The following TSPAN11 variants were observed in gnomAD, a reference collection of about 807,000 sequenced individuals.
The protein encoded by TSPAN11 is tetraspanin-11.
In TSPAN11, 29 loss-of-function variants were observed where a neutral mutation model predicts 32.9. The observed-to-expected ratio is 0.88, with a 90% CI of 0.66 to 1.20. The LOEUF is 1.20. Ranked by LOEUF, TSPAN11 falls within the 50% of genes most tolerant of loss-of-function variation. TSPAN11 has a pLI of 0.00. For synonymous variants in TSPAN11, 140 were observed against 141.3 expected (o/e 0.99, Z 0.07); for missense variants, 283 against 329.1 (o/e 0.86, Z 1.08).
At chr12:30,965,663 G>A (rs1354663628) in intron 3 of TSPAN11, among the ~76,000 whole-genome samples, 4 of 152,144 alleles carry the variant, frequency 2.6e-5, no homozygotes, top group Non-Finnish European at 4.4e-5. Context: ...ACTCTGTGCC[G>A]AGCAAGCGCT....
intron 1 of TSPAN11, among the ~76,000 whole-genome samples, chr12:30,931,579 T>G (rs916121546): frequency 1.4e-4 from 22 of 152,252 alleles, no homozygotes; most frequent in Admixed American, 9.8e-4. Context: ...TATACTGTGC[T>G]TTTAGAATTA....
chr12:30,984,552 CTTTTTTTTT>C (rs55772956), intron 7 of TSPAN11, among the ~76,000 whole-genome samples: 7 of 68,574 alleles, frequency 1.0e-4, no homozygotes, highest in African/African-American at 3.4e-4. Context: ...TCGCTTTTTG[CTTTTTTTTT>C]TTTTTTTTTT....
chr12:30,963,138 AGTCCC>A (rs1938646988), intron 2 of TSPAN11, among the ~76,000 whole-genome samples: 1 of 152,216 alleles, frequency 6.6e-6, no homozygotes, highest in Admixed American at 6.5e-5. Context: ...CTCCTCCTGC[AGTCCC>A]AGGCGGCTCC....
chr12:30,937,155 T>C lies in TSPAN11; in HGVS notation c.-12+10359T>C, dbSNP rs1252166059. On this transcript the variant is annotated intron_variant, in intron 1 of 7. Coordinates refer to ENST00000546076, the MANE Select transcript of TSPAN11 (RefSeq NM_001370302.1). ...AAAAGCCACCTTTGGCTCTGGCAAT[T>C]GGAAGTGACTTTGGGTTAAGTGGGC... is the stretch of plus-strand genomic sequence containing the variant. Among the ~76,000 whole-genome samples the C allele has an allele frequency of 2.6e-5, 4 of 152,116 alleles. No individual in the cohort carries two copies. In the East Asian group the frequency reaches 7.7e-4, roughly 29 times the overall value.
chr12:30,929,977 G>GA (rs1438316534), intron 1 of TSPAN11, among the ~76,000 whole-genome samples: 1 of 152,222 alleles, frequency 6.6e-6, no homozygotes, highest in Non-Finnish European at 1.5e-5. Flanking sequence ...CATGATAGAG[G>GA]AGGTGGTGGT....
chr12:30,963,384 C>T (rs1385834145), intron 2 of TSPAN11, among the ~76,000 whole-genome samples: 2 of 152,204 alleles, frequency 1.3e-5, no homozygotes, highest in East Asian at 1.9e-4. Context: ...AAACAAGGGG[C>T]GGTGCTCGAA....
At chr12:30,974,810 G>T (rs899750017) in intron 3 of TSPAN11, among the ~76,000 whole-genome samples, 3 of 152,226 alleles carry the variant, frequency 2.0e-5, no homozygotes. Context: ...CTGAGGAACC[G>T]CACGGCAGGC....
Position 30,982,778 on chromosome 12 carries a change from G to A in TSPAN11, c.615+88G>A, listed in dbSNP as rs139269093. ...CAGAAAGGCTGGGTCAGGCAGGTGG[G>A]TGTGGGAAAAGCAGGACACATGTGC... On this transcript the variant is annotated intron_variant, in intron 6 of 7. Transcript: ENST00000546076. The A allele has an allele frequency of 3.9e-4, 580 of 1,478,998 alleles. 5 individuals carry two copies. In the African/African-American group the frequency reaches 7.5e-3, roughly 19 times the overall value. 91.6% of individuals were successfully genotyped at this position (1,478,998 alleles called of 1,614,324 possible).
the TSPAN11 span, among the ~76,000 whole-genome samples, chr12:31,001,913 G>A: frequency 5.9e-5 from 9 of 152,274 alleles, no homozygotes; most frequent in South Asian, 4.1e-4. Flanking sequence ...GAGAGAGGCC[G>A]ATGTTTTCCA....
At chr12:30,964,825 C>T (rs769957886) in intron 3 of TSPAN11, among the ~76,000 whole-genome samples, 15 of 152,232 alleles carry the variant, frequency 9.9e-5, no homozygotes, top group Non-Finnish European at 1.5e-4. Context: ...GTTGTGTTTA[C>T]ATTTGAGTTA....
At chr12:31,001,838 C>G in the TSPAN11 span, among the ~76,000 whole-genome samples, 2 of 152,146 alleles carry the variant, frequency 1.3e-5, no homozygotes, top group Admixed American at 1.3e-4. Context: ...AGATGACCCT[C>G]TCATATACAG....
Position 30,992,190 on chromosome 12 carries a change from G to A in TSPAN11, c.*275G>A. 3.8e-6 allele frequency: 2 copies of A among 532,308 alleles called. No individual in the cohort carries two copies. Among genetic ancestry groups the A allele is most frequent in the Middle Eastern group, 5.1e-4 (1 of 1,966 alleles). The allele number at this position is 532,308 out of a possible 1,614,324, so 33.0% of individuals were successfully genotyped here. On this transcript the variant is annotated 3_prime_UTR_variant, in exon 8 of 8. Transcript: ENST00000546076. ...AGGAGACAACCAGAGCCCCTCACCAGGAACGGGGGCACCCGTGGACTACGG... is the reference window on the plus strand; with the variant it reads ...AGGAGACAACCAGAGCCCCTCACCAAGAACGGGGGCACCCGTGGACTACGG...
intron 3 of TSPAN11, among the ~76,000 whole-genome samples, chr12:30,964,348 C>A (rs1938683791): frequency 6.6e-6 from 1 of 151,692 alleles, no homozygotes; most frequent in South Asian, 2.1e-4. Flanking sequence ...TTCTCCTATT[C>A]TGTACCCTTC....
intron 7 of TSPAN11, among the ~76,000 whole-genome samples, chr12:30,990,127 G>A (rs978214322): frequency 2.7e-5 from 4 of 148,866 alleles, no homozygotes; most frequent in Non-Finnish European, 4.4e-5. Context: ...ATGCTTCAGC[G>A]TGGTGTTCAC....
intron 2 of TSPAN11, among the ~76,000 whole-genome samples, chr12:30,963,600 G>A (rs1340352454): frequency 1.3e-5 from 2 of 152,208 alleles, no homozygotes; most frequent in Non-Finnish European, 2.9e-5. Context: ...GTCGGACCTG[G>A]ATTCAAAACC....
At chr12:30,989,521 A>G (rs1481372630) in intron 7 of TSPAN11, among the ~76,000 whole-genome samples, 7 of 152,178 alleles carry the variant, frequency 4.6e-5, no homozygotes, top group Admixed American at 1.3e-4. Flanking sequence ...ACCCTAGACC[A>G]GTGTACAGAC....
At chr12:30,931,888 A>AAAAAAAAAAAAAAAAAAG (rs1937940258) in intron 1 of TSPAN11, among the ~76,000 whole-genome samples, 1 of 150,472 alleles carries the variant, frequency 6.6e-6, no homozygotes, top group African/African-American at 2.4e-5. Context: ...TCAAAAAAAA[A>AAAAAAAAAAAAAAAAAAG]AAAAAAAAAA....
intron 1 of TSPAN11, among the ~76,000 whole-genome samples, chr12:30,943,469 A>T (rs142705419): frequency 7.9e-5 from 12 of 152,366 alleles, no homozygotes; most frequent in Non-Finnish European, 1.5e-5. Flanking sequence ...TTTGCTGCCT[A>T]GCATGTAGTT....
chr12:30,963,286 A>G (rs1329899271), intron 2 of TSPAN11, among the ~76,000 whole-genome samples: 1 of 152,036 alleles, frequency 6.6e-6, no homozygotes, highest in Non-Finnish European at 1.5e-5. Flanking sequence ...TGGACAATTT[A>G]CCTTTCCTCC....
Sources: allele counts gnomAD v4.1 joint callset (sites outside exome capture counted in the v4.1 genomes callset), GRCh38; gene constraint gnomAD v4.1.1; transcripts MANE v1.5; gene names NCBI Gene and HGNC (gene_info 2026-07-23, HGNC 2026-07-21).